PITPNM2: variants seen among roughly 807,000 people sequenced by gnomAD.
The protein encoded by PITPNM2 is phosphatidylinositol transfer protein membrane associated 2, also known as membrane-associated phosphatidylinositol transfer protein 2.
A neutral mutation model predicts 132.2 loss-of-function variants in PITPNM2; 35 were observed. The observed-to-expected ratio is 0.26, with a 90% CI of 0.20 to 0.35. PITPNM2 has a LOEUF of 0.35. Among genes scored for constraint, PITPNM2 ranks in the 10% least tolerant of loss-of-function variants. The pLI is 1.00. For synonymous variants in PITPNM2, 738 were observed against 799.2 expected (o/e 0.92, Z 1.29); for missense variants, 1,332 against 1,912.0 (o/e 0.70, Z 5.66).
In PITPNM2 at chr12:122,995,557, C is replaced by A; in HGVS notation, c.1886G>T (p.Ser629Ile). The A allele has an allele frequency of 6.2e-7, 1 of 1,609,488 alleles. No individual in the cohort carries two copies. The highest frequency in any genetic ancestry group is 8.5e-7 in the Non-Finnish European group (1 of 1,179,854). Residue 629 changes from serine (S) to isoleucine (I), a missense_variant, in exon 14 of 26, where the codon AGT (serine) becomes ATT (isoleucine). Around this residue, in one of 6 missense-constraint regions of PITPNM2, gnomAD observed 710 missense variants for 911.5 expected, o/e 0.78. Coordinates refer to ENST00000320201, the MANE Select transcript of PITPNM2 (RefSeq NM_020845.3). ...GCTCTCCAGGCTGGAGCCACCACTA[C>A]TGCCACCACCACCACTGCTGCCACC... ...GGGGSSGGGG[S>I]SGGSSLESSR... is the part of the protein sequence containing the mutation.
rs1304122150 is a variant in PITPNM2 at position 122,997,438 on chromosome 12, G to A, written c.1359C>T (p.Ala453=). ...CGCGCATGACGGTGTCGAACACGTT[G>A]GCGATGGTGTTAGCATCGCCCTTCT... The part of the protein sequence containing the change: ...SSKKGDANTI[A]NVFDTVMRVH... Residue 453 remains alanine, a synonymous_variant, in exon 11 of 26, where the codon GCC becomes GCT. Transcript: ENST00000320201. 6.2e-7 allele frequency: 1 copy of A among 1,613,548 alleles called. No individual in the cohort carries two copies. The highest frequency in any genetic ancestry group is 1.7e-5 in the Admixed American group (1 of 60,030).
intron 1 of PITPNM2, among the ~76,000 whole-genome samples, chr12:123,132,312 T>G (rs1188848036): frequency 6.6e-6 from 1 of 152,076 alleles, no homozygotes; most frequent in Admixed American, 6.6e-5. Context: ...CCCAAGAGCA[T>G]GGCGGGTACA....
chr12:123,009,282 C>T lies in PITPNM2; in HGVS notation c.643+568G>A, dbSNP rs1428703748. ...GGGCTCTAGGTGAGGAAATGGCACT[C>T]ACTGCACCAGGACCCCCAGGCCATC... On this transcript the variant is annotated intron_variant, in intron 6 of 25. Transcript: ENST00000320201. This position sits in a 1 kb window ranked among gnomAD's most constrained non-coding sequence, Gnocchi z 4.8. Among the ~76,000 whole-genome samples, 5 of 152,300 alleles carry T rather than the reference C, an allele frequency of 3.3e-5. No homozygotes were observed. Among genetic ancestry groups the T allele is most frequent in the Admixed American group, 2.6e-4 (4 of 15,294 alleles).
intron 3 of PITPNM2, among the ~76,000 whole-genome samples, chr12:123,029,580 C>A (rs2039995913): frequency 6.6e-6 from 1 of 152,120 alleles, no homozygotes; most frequent in South Asian, 2.1e-4. Flanking sequence ...AGTGAGACTT[C>A]ATCTCAAAAA....
chr12:123,076,079 C>T (rs2041777319), intron 2 of PITPNM2: 1 of 152,282 alleles, frequency 6.6e-6, no homozygotes, highest in Non-Finnish European at 1.5e-5. Context: ...CACTAGCAAA[C>T]CAAAACCAAA....
chr12:122,993,308 A>G lies in PITPNM2; in HGVS notation c.2234-639T>C, dbSNP rs2038281308. Among the ~76,000 whole-genome samples the G allele has an allele frequency of 6.6e-6, 1 of 152,038 alleles. No individual in the cohort carries two copies. Among genetic ancestry groups the G allele is most frequent in the Admixed American group, 6.6e-5 (1 of 15,262 alleles). On this transcript the variant is annotated intron_variant, in intron 15 of 25. Transcript: ENST00000320201. The surrounding 1 kb of genome is among the most constrained non-coding windows in gnomAD (Gnocchi z 5.2). Reference sequence around the variant, plus strand: ...GCTAGGGCAGCCCTGCCCTGCCTGTATCGGAAAATGTTTCCCCTTCTGTCA... The same window carrying G: ...GCTAGGGCAGCCCTGCCCTGCCTGTGTCGGAAAATGTTTCCCCTTCTGTCA...
At position 123,058,606 on chromosome 12, in the gene PITPNM2, C is replaced by T. The variant is rs2041124376; in HGVS notation, c.-95-23921G>A. On this transcript the variant is annotated intron_variant, in intron 2 of 25. Transcript: ENST00000320201. This position sits in a 1 kb window ranked among gnomAD's most constrained non-coding sequence, Gnocchi z 4.0. Reference sequence around the variant, plus strand: ...ATTCTTGTTGTTCCCTGTTTGCGGTCCTCAGCTCCAAAGCCCTCAAGAGCA... The same window carrying T: ...ATTCTTGTTGTTCCCTGTTTGCGGTTCTCAGCTCCAAAGCCCTCAAGAGCA... Among the ~76,000 whole-genome samples, 1 of 152,188 alleles carries T rather than the reference C, an allele frequency of 6.6e-6. No individual in the cohort carries two copies. Among genetic ancestry groups the T allele is most frequent in the African/African-American group, 2.4e-5 (1 of 41,436 alleles).
intron 2 of PITPNM2, among the ~76,000 whole-genome samples, chr12:123,050,082 C>T (rs1044315919): frequency 6.6e-6 from 1 of 152,240 alleles, no homozygotes; most frequent in African/African-American, 2.4e-5. Flanking sequence ...TGGAGCCAGA[C>T]TTGCCCTCCT....
intron 3 of PITPNM2, 124 bp from the exon 4 acceptor site, chr12:123,014,166 TC>T: frequency 1.0e-6 from 1 of 970,708 alleles, no homozygotes; most frequent in Non-Finnish European, 1.5e-6. Context: ...CGAGGCTGGC[TC>T]CTCCTGTGTC....
chr12:123,019,113 T>C (rs941303059), intron 3 of PITPNM2, among the ~76,000 whole-genome samples: 4 of 152,176 alleles, frequency 2.6e-5, no homozygotes, highest in Non-Finnish European at 5.9e-5. Context: ...GTGATGAAAG[T>C]GCTCTGGAAT....
intron 3 of PITPNM2, among the ~76,000 whole-genome samples, chr12:123,015,964 T>G (rs1474295441): frequency 1.3e-5 from 2 of 152,176 alleles, no homozygotes; most frequent in African/African-American, 4.8e-5. Flanking sequence ...CCAAAGAAGA[T>G]ATACGAATGG....
At chr12:123,020,192 C>A (rs2039611645) in intron 3 of PITPNM2, among the ~76,000 whole-genome samples, 1 of 152,166 alleles carries the variant, frequency 6.6e-6, no homozygotes, top group Admixed American at 6.5e-5. Flanking sequence ...ATGATCTCGG[C>A]TCACTGCAAC....
chr12:123,131,149 G>T (rs1299082695), intron 1 of PITPNM2, among the ~76,000 whole-genome samples: 1 of 152,176 alleles, frequency 6.6e-6, no homozygotes, highest in Non-Finnish European at 1.5e-5. Context: ...AACTCAGAAT[G>T]TGACTTTACT....
chr12:123,074,787 C>G (rs1201573377), intron 2 of PITPNM2, among the ~76,000 whole-genome samples: 2 of 152,204 alleles, frequency 1.3e-5, no homozygotes, highest in African/African-American at 4.8e-5. Context: ...ACAAACATGC[C>G]AATCCCTGTA....
At position 123,001,097 on chromosome 12, in the gene PITPNM2, G is replaced by A; in HGVS notation, c.1110C>T (p.Asp370=). 2 of 1,614,208 alleles carry A rather than the reference G, an allele frequency of 1.2e-6. No homozygotes were observed. Among genetic ancestry groups the A allele is most frequent in the Non-Finnish European group, 1.7e-6 (2 of 1,180,034 alleles). The change falls in exon 9 of 26, where the codon GAC becomes GAT. Residue 370 remains aspartate, a synonymous_variant. Coordinates refer to ENST00000320201, the MANE Select transcript of PITPNM2 (RefSeq NM_020845.3). ...CTGGGCTCTCGATCTTGTCCATGAG[G>A]TCATTGGAGCTCCACTTGGTGATGT... ...PKDITKWSSN[D]LMDKIESPEP... is the part of the protein sequence containing the mutation.
chr12:123,064,229 A>G lies in PITPNM2; in HGVS notation c.-95-29544T>C, dbSNP rs1177972137. Among the ~76,000 whole-genome samples, 1 of 152,084 alleles carries G rather than the reference A, an allele frequency of 6.6e-6. No homozygotes were observed. The highest frequency in any genetic ancestry group is 1.9e-4 in the East Asian group (1 of 5,178). ...GCAGGCAGACAGACGCACTCTCCCC[A>G]CTCCAAATTGGAAAATGGAAACCAA... On this transcript the variant is annotated intron_variant, in intron 2 of 25. Transcript: ENST00000320201. The surrounding 1 kb of genome is among the most constrained non-coding windows in gnomAD (Gnocchi z 4.0).
chr12:123,016,754 T>C (rs1257098384), intron 3 of PITPNM2, among the ~76,000 whole-genome samples: 1 of 151,968 alleles, frequency 6.6e-6, no homozygotes, highest in Non-Finnish European at 1.5e-5. Context: ...CTGTTGAAAA[T>C]AGTTTAGTAG....
rs2042826734 is a variant in PITPNM2, at chr12:123,111,191, A to G, written c.-199-703T>C. Among the ~76,000 whole-genome samples the G allele has an allele frequency of 6.6e-6, 1 of 152,248 alleles. No individual in the cohort carries two copies. The highest frequency in any genetic ancestry group is 2.1e-4 in the South Asian group (1 of 4,830). On this transcript the variant is annotated intron_variant, in intron 1 of 25. Coordinates refer to ENST00000320201, the MANE Select transcript of PITPNM2 (RefSeq NM_020845.3). The surrounding 1 kb of genome is among the most constrained non-coding windows in gnomAD (Gnocchi z 4.1). ...AGGGCTCCTACAGGGACCACAGACA[A>G]GCCGGGTAGCCCACCTCGCAGCTCA... is the stretch of plus-strand genomic sequence containing the variant.
intron 2 of PITPNM2, among the ~76,000 whole-genome samples, chr12:123,043,693 A>C (rs902022448): frequency 1.3e-5 from 2 of 152,226 alleles, no homozygotes; most frequent in African/African-American, 4.8e-5. Context: ...GAGTTAAGTT[A>C]TGAGGCATCG....
Sources: allele counts gnomAD v4.1 joint callset (sites outside exome capture counted in the v4.1 genomes callset), GRCh38; gene constraint gnomAD v4.1.1; regional missense constraint gnomAD v4.1.1; non-coding constraint Gnocchi (gnomAD v3.1); transcripts MANE v1.5; gene names NCBI Gene and HGNC (gene_info 2026-07-23, HGNC 2026-07-21).